The following FPGT variants were observed in gnomAD, a reference collection of about 807,000 sequenced individuals.
FPGT encodes the protein GDP-L-fucose diphosphorylase.
A neutral mutation model predicts 45.8 loss-of-function variants in FPGT; 41 were observed. That is an observed-to-expected ratio of 0.90 (90% CI 0.70 to 1.16). The LOEUF (loss-of-function observed/expected upper bound fraction) is 1.16. Ranked by LOEUF, FPGT falls within the 50% of genes most tolerant of loss-of-function variation. The pLI is 0.00. For missense variants in FPGT, 755 were observed against 689.1 expected (o/e 1.10, Z -1.07); for synonymous variants, 292 against 247.2 (o/e 1.18, Z -1.70).
Position 74,204,445 on chromosome 1 carries a change from C to G in FPGT, c.398C>G (p.Ala133Gly). The change falls in exon 4 of 4, where the codon GCT (alanine) becomes GGT (glycine). Residue 133 changes from alanine (A) to glycine (G), a missense_variant. Physicochemically the swap from Ala to Gly is moderately conservative, Grantham distance 60. Transcript: ENST00000370898. Reference sequence around the variant, plus strand: ...AGTGCTCTGGGAAAAATTTTCACTGCTTTACCTCTTGGTAACCCCATTTAT... The same window carrying G: ...AGTGCTCTGGGAAAAATTTTCACTGGTTTACCTCTTGGTAACCCCATTTAT... ...NASALGKIFT[A>G]LPLGNPIYQM... The G allele has an allele frequency of 6.2e-7, 1 of 1,605,458 alleles. No individual in the cohort carries two copies. The highest frequency in any genetic ancestry group is 8.5e-7 in the Non-Finnish European group (1 of 1,173,504).
chr1:74,201,313 T>G lies in FPGT; in HGVS notation c.251-5T>G. 1 of 1,605,544 alleles carries G rather than the reference T, an allele frequency of 6.2e-7. No individual in the cohort carries two copies. Among genetic ancestry groups the G allele is most frequent in the Non-Finnish European group, 8.5e-7 (1 of 1,177,390 alleles). On this transcript the variant is annotated splice_region_variant and splice_polypyrimidine_tract_variant and intron_variant, in intron 2 of 3. Transcript: ENST00000370898. ...AAATTGTGCTTTTTTAACTTTGTTT[T>G]TAAGGAAATGGAGGATCAACACTTT...
intron 3 of FPGT, among the ~76,000 whole-genome samples, chr1:74,201,876 T>C (rs1217004250): frequency 6.6e-6 from 1 of 152,200 alleles, no homozygotes; most frequent in Non-Finnish European, 1.5e-5. Flanking sequence ...CAGCATGCAT[T>C]AGCTATTTTT....
intron 2 of FPGT, among the ~76,000 whole-genome samples, chr1:74,200,044 T>G (rs1651642489): frequency 6.6e-6 from 1 of 152,188 alleles, no homozygotes; most frequent in Non-Finnish European, 1.5e-5. Context: ...ACTTCCAGAA[T>G]GTTACTTAAA....
Position 74,206,126 on chromosome 1 carries a change from C to CAA in FPGT, c.*295_*296insAA, listed in dbSNP as rs545430654. 21 of 218,864 alleles carry CAA rather than the reference C, an allele frequency of 9.6e-5. No homozygotes were observed. Among genetic ancestry groups the CAA allele is most frequent in the Non-Finnish European group, 1.7e-4 (19 of 112,392 alleles). 13.6% of individuals were successfully genotyped at this position (218,864 alleles called of 1,614,324 possible). A position where few individuals can be genotyped will look rare whatever the true frequency, so the allele number is the denominator to read the frequency against. ...TTAGTTTTAAAGGTAATTTTCTAAGCATACCTTTGGAATTTTTCCATCTTT... is the reference window on the plus strand; with the variant it reads ...TTAGTTTTAAAGGTAATTTTCTAAGCAAATACCTTTGGAATTTTTCCATCTTT... On this transcript the variant is annotated 3_prime_UTR_variant, in exon 4 of 4. Transcript: ENST00000370898.
chr1:74,203,626 C>T lies in FPGT; in HGVS notation c.344-765C>T, dbSNP rs77500007. 6.1e-3 allele frequency among the ~76,000 whole-genome samples: 929 copies of T among 152,042 alleles called. 28 individuals carry two copies. The highest frequency in any genetic ancestry group is 0.041 in the East Asian group (208 of 5,098). ...CAGGATGGTCTGGATCTCCTGACCT[C>T]GTGATCTGCCTGCCTCGGCCTCCCA... On this transcript the variant is annotated intron_variant, in intron 3 of 3. Transcript: ENST00000370898.
intron 2 of FPGT, among the ~76,000 whole-genome samples, chr1:74,200,476 A>G (rs1651685492): frequency 6.7e-6 from 1 of 149,056 alleles, no homozygotes; most frequent in Non-Finnish European, 1.5e-5. Flanking sequence ...TACAACTATG[A>G]GGTCAGTACT....
chr1:74,200,607 C>G (rs1029767263), intron 2 of FPGT: 8 of 151,372 alleles, frequency 5.3e-5, no homozygotes, highest in African/African-American at 2.0e-4. Context: ...CAGGTTCAGG[C>G]CATTCTCCTG....
rs961727072 is a variant in FPGT at position 74,207,165 on chromosome 1, A to G, written c.*1333A>G. The G allele has an allele frequency of 3.9e-5, 6 of 152,108 alleles. No homozygotes were observed. Among genetic ancestry groups the G allele is most frequent in the Non-Finnish European group, 7.4e-5 (5 of 67,988 alleles). The allele number at this position is 152,108 out of a possible 1,614,324, so 9.4% of individuals were successfully genotyped here. A position where few individuals can be genotyped will look rare whatever the true frequency, so the allele number is the denominator to read the frequency against. ...TACCAAATCTGAAGTGCCATCAGTT[A>G]TAAGAATCACCATTATTTTATGTTC... On this transcript the variant is annotated 3_prime_UTR_variant, in exon 4 of 4. Coordinates refer to ENST00000370898, the MANE Select transcript of FPGT (RefSeq NM_003838.5).
chr1:74,205,908 C>T lies in FPGT; in HGVS notation c.*76C>T, dbSNP rs1570320810. 6 of 794,686 alleles carry T rather than the reference C, an allele frequency of 7.6e-6. No individual in the cohort carries two copies. The East Asian group carries it at 1.5e-4, about 20-fold the overall frequency. The allele number at this position is 794,686 out of a possible 1,614,324, so 49.2% of individuals were successfully genotyped here. A position where few individuals can be genotyped will look rare whatever the true frequency, so the allele number is the denominator to read the frequency against. ...TAGGTATTTTTTGTAGGCTGTTTCA[C>T]TGAACTCAGTTAATGAAAACTGTAT... On this transcript the variant is annotated 3_prime_UTR_variant, in exon 4 of 4. Transcript: ENST00000370898.
At position 74,208,230 on chromosome 1, in the gene FPGT, CAA is replaced by C. The variant is rs1183147525; in HGVS notation, c.*2410_*2411del. 1.2e-4 allele frequency among the ~76,000 whole-genome samples: 14 copies of C among 119,966 alleles called. No homozygotes were observed. Among genetic ancestry groups the C allele is most frequent in the Admixed American group, 1.7e-4 (2 of 11,894 alleles). 78.7% of individuals were successfully genotyped at this position (119,966 alleles called of 152,430 possible). On this transcript the variant is annotated 3_prime_UTR_variant, in exon 4 of 4. Coordinates refer to ENST00000370898, the MANE Select transcript of FPGT (RefSeq NM_003838.5). ...ATGTGTTTTAATAAAAGGATCTAGGCAAAAAAAAAAAAAGTAAGTCACTCCTA... is the reference window on the plus strand; with the variant it reads ...ATGTGTTTTAATAAAAGGATCTAGGCAAAAAAAAAAAGTAAGTCACTCCTA...
chr1:74,199,872 C>A, intron 2 of FPGT, 41 bp downstream of exon 2: 2 of 1,581,700 alleles, frequency 1.3e-6, no homozygotes, highest in South Asian at 1.2e-5. Flanking sequence ...AGGTCCTAAG[C>A]AGAATAATCA....
intron 3 of FPGT, among the ~76,000 whole-genome samples, chr1:74,203,997 G>A (rs1002836812): frequency 6.6e-5 from 10 of 150,890 alleles, no homozygotes; most frequent in East Asian, 2.0e-4. Flanking sequence ...AGCCAAGATC[G>A]CACGTCACTG....
At chr1:74,199,938 G>A in intron 2 of FPGT, 107 bp downstream of exon 2, 1 of 1,232,676 alleles carries the variant, frequency 8.1e-7, no homozygotes, top group Non-Finnish European at 1.1e-6. Context: ...TCTACCCACA[G>A]CTTTACAAAC....
rs886837623 is a variant in FPGT, at chr1:74,207,662, T to C, written c.*1830T>C. Among the ~76,000 whole-genome samples, 24 of 124,868 alleles carry C rather than the reference T, an allele frequency of 1.9e-4. No individual in the cohort carries two copies. Among genetic ancestry groups the C allele is most frequent in the Admixed American group, 2.7e-4 (3 of 11,142 alleles). 81.9% of individuals were successfully genotyped at this position (124,868 alleles called of 152,430 possible). On this transcript the variant is annotated 3_prime_UTR_variant, in exon 4 of 4. Coordinates refer to ENST00000370898, the MANE Select transcript of FPGT (RefSeq NM_003838.5). ...AGAGATTTCTCACAAATTGACGTCA[T>C]ATTAACATGTCAATATGAAAATTAA...
In FPGT at chr1:74,204,799, A is replaced by T. The variant is rs774146645; in HGVS notation, c.752A>T (p.Gln251Leu). ...AVCRPGNFCQQDFAGGDIADL... is the reference protein window; with the variant it reads ...AVCRPGNFCQLDFAGGDIADL... ...TGTAGACCTGGAAATTTTTGTCAAC[A>T]GGACTTTGCTGGGGGTGACATTGCC... The change falls in exon 4 of 4, where the codon CAG becomes CTG. Residue 251 changes from glutamine to leucine, a missense_variant. Coordinates refer to ENST00000370898, the MANE Select transcript of FPGT (RefSeq NM_003838.5). 1 of 1,613,900 alleles carries T rather than the reference A, an allele frequency of 6.2e-7. No homozygotes were observed. The highest frequency in any genetic ancestry group is 1.1e-5 in the South Asian group (1 of 91,082).
Position 74,198,365 on chromosome 1 carries a change from C to G in FPGT, c.82+5C>G. On this transcript the variant is annotated splice_donor_5th_base_variant and intron_variant, in intron 1 of 3. Coordinates refer to ENST00000370898, the MANE Select transcript of FPGT (RefSeq NM_003838.5). ...GGAGGTTTTCCGAGCTAAGAGGTAC[C>G]AGAGAAGGCACCGGAGTTCTCCTGG... is the stretch of plus-strand genomic sequence containing the variant. The G allele has an allele frequency of 6.2e-7, 1 of 1,614,116 alleles. No individual in the cohort carries two copies. Among genetic ancestry groups the G allele is most frequent in the South Asian group, 1.1e-5 (1 of 91,078 alleles).
At position 74,200,129 on chromosome 1, in the gene FPGT, C is replaced by G. The variant is rs943282718; in HGVS notation, c.250+298C>G. Among the ~76,000 whole-genome samples the G allele has an allele frequency of 7.9e-5, 12 of 152,216 alleles. No homozygotes were observed. In the East Asian group the frequency reaches 1.5e-3, roughly 20 times the overall value. ...CTCCTTTGGACCTTATCAGTAGAAC[C>G]CTTGAGGTCCTCTCCACTCCAGAGT... On this transcript the variant is annotated intron_variant, in intron 2 of 3. Coordinates refer to ENST00000370898, the MANE Select transcript of FPGT (RefSeq NM_003838.5).
rs1004422299 is a variant in FPGT at position 74,204,563 on chromosome 1, T to G, written c.516T>G (p.Leu172=). The stretch of plus-strand genomic sequence containing the variant: ...TTACCTGTGCAGATGATATTGAACT[T>G]TATAGTATTGGAGAATTTGAGTTTA... ...ILVTCADDIE[L]YSIGEFEFIR... is the part of the protein sequence containing the mutation. The change falls in exon 4 of 4, where the codon CTT becomes CTG. Residue 172 remains leucine, a synonymous_variant. Transcript: ENST00000370898. The G allele has an allele frequency of 1.2e-6, 2 of 1,609,846 alleles. No individual in the cohort carries two copies. Among genetic ancestry groups the G allele is most frequent in the Non-Finnish European group, 1.7e-6 (2 of 1,176,180 alleles).
intron 3 of FPGT, among the ~76,000 whole-genome samples, chr1:74,202,126 A>G (rs980373611): frequency 6.6e-6 from 1 of 152,260 alleles, no homozygotes; most frequent in Non-Finnish European, 1.5e-5. Flanking sequence ...AAAAGTAGGA[A>G]GGACATGGTC....
Sources: gnomAD v4.1 joint callset for allele counts (sites outside exome capture counted in the v4.1 genomes callset) on GRCh38, gnomAD v4.1.1 for gene constraint, MANE v1.5 for transcripts, NCBI Gene and HGNC (gene_info 2026-07-23, HGNC 2026-07-21) for gene names.